Variants in MTHFD2L observed in about 807,000 individuals in gnomAD.
MTHFD2L encodes the protein bifunctional methylenetetrahydrofolate dehydrogenase/cyclohydrolase 2, mitochondrial.
MTHFD2L carries 29 observed loss-of-function variants against 34.9 expected under a neutral mutation model. The ratio of observed to expected loss-of-function variants is 0.83; its 90% CI spans 0.62 to 1.13. The LOEUF is 1.13. MTHFD2L is among the 50% of genes most tolerant of loss of function. The pLI, the probability that MTHFD2L is intolerant of heterozygous loss-of-function variation, is 0.00. For missense variants in MTHFD2L, 481 were observed against 446.5 expected (o/e 1.08, Z -0.70); for synonymous variants, 167 against 155.7 (o/e 1.07, Z -0.54).
At chr4:74,297,444 A>G (rs926962482) in intron 7 of MTHFD2L, among the ~76,000 whole-genome samples, 3 of 152,022 alleles carry the variant, frequency 2.0e-5, no homozygotes, top group Admixed American at 6.6e-5. Flanking sequence ...TCCCATATAT[A>G]CCAAACTTCT....
intron 1 of MTHFD2L, among the ~76,000 whole-genome samples, chr4:74,167,279 A>G (rs1445391550): frequency 6.6e-6 from 1 of 152,226 alleles, no homozygotes; most frequent in Non-Finnish European, 1.5e-5. Flanking sequence ...CTCTAGATCC[A>G]CTGACTGGTG....
intron 1 of MTHFD2L, among the ~76,000 whole-genome samples, chr4:74,132,950 T>C (rs1722660193): frequency 6.6e-6 from 1 of 152,220 alleles, no homozygotes; most frequent in African/African-American, 2.4e-5. Flanking sequence ...TCTGGGGTTG[T>C]GTTCATACTT....
At chr4:74,274,312 GTCAA>G (rs199992843) in intron 6 of MTHFD2L, among the ~76,000 whole-genome samples, 2,537 of 152,236 alleles carry the variant, frequency 0.017, 30 homozygotes, top group Non-Finnish European at 0.023. Flanking sequence ...TTCAAATCTG[GTCAA>G]TCAAAGGATT....
chr4:74,266,894 C>T (rs887080614), intron 6 of MTHFD2L: 17 of 985,088 alleles, frequency 1.7e-5, no homozygotes, highest in Non-Finnish European at 2.0e-5. Flanking sequence ...TTCTAAATAT[C>T]AGGCCTCATT....
intron 5 of MTHFD2L, among the ~76,000 whole-genome samples, chr4:74,204,276 T>G (rs148431114): frequency 6.6e-6 from 1 of 152,266 alleles, no homozygotes; most frequent in East Asian, 1.9e-4. Context: ...TCAACTTGGT[T>G]ATTGTGAAAA....
At chr4:74,218,050 T>G (rs1272388) in intron 5 of MTHFD2L, among the ~76,000 whole-genome samples, 4,770 of 152,226 alleles carry the variant, frequency 0.031, 267 homozygotes, top group African/African-American at 0.11. Flanking sequence ...TGTATTGTGA[T>G]TCTTATTTGT....
chr4:74,258,494 T>G (rs920171841), intron 6 of MTHFD2L, among the ~76,000 whole-genome samples: 1 of 152,054 alleles, frequency 6.6e-6, no homozygotes, highest in Non-Finnish European at 1.5e-5. Flanking sequence ...AAATGAAGAT[T>G]GAAAATACGG....
chr4:74,257,774 C>A (rs1314006568), intron 6 of MTHFD2L, among the ~76,000 whole-genome samples: 6 of 152,094 alleles, frequency 3.9e-5, no homozygotes, highest in Non-Finnish European at 8.8e-5. Context: ...AAAGCTTCTT[C>A]ACAGCAAAGA....
At chr4:74,215,404 G>C (rs111514580) in intron 5 of MTHFD2L, among the ~76,000 whole-genome samples, 1 of 151,766 alleles carries the variant, frequency 6.6e-6, no homozygotes, top group Non-Finnish European at 1.5e-5. Flanking sequence ...GGAATGCATC[G>C]TCCCTCACAT....
At chr4:74,169,887 C>T (rs1318773506) in intron 1 of MTHFD2L, among the ~76,000 whole-genome samples, 1 of 152,068 alleles carries the variant, frequency 6.6e-6, no homozygotes, top group African/African-American at 2.4e-5. Flanking sequence ...TAATTACATA[C>T]AAAGTATTGG....
intron 5 of MTHFD2L, among the ~76,000 whole-genome samples, chr4:74,220,853 T>C (rs1738050101): frequency 6.6e-6 from 1 of 151,226 alleles, no homozygotes; most frequent in South Asian, 2.1e-4. Flanking sequence ...ATTTTAACTT[T>C]TATGGTTTTT....
At chr4:74,181,612 C>T (rs529746582) in intron 3 of MTHFD2L, 1 of 152,292 alleles carries the variant, frequency 6.6e-6, no homozygotes, top group South Asian at 2.1e-4. Context: ...TACTTGCTCT[C>T]TGAGAAGTCT....
At chr4:74,157,778 T>C, upstream of MTHFD2L, 1 of 488,880 alleles carries the variant, frequency 2.0e-6, no homozygotes, top group Non-Finnish European at 4.0e-6. Flanking sequence ...TGGTGGAAAG[T>C]GGGGCGTGCT....
chr4:74,225,275 A>G, intron 5 of MTHFD2L, 27 bp from the exon 6 acceptor site: 1 of 1,565,770 alleles, frequency 6.4e-7, no homozygotes, highest in Non-Finnish European at 8.7e-7. Context: ...TTCAGTAATC[A>G]CTGATAGAAA....
chr4:74,200,963 A>G (rs1022511473), intron 4 of MTHFD2L, among the ~76,000 whole-genome samples: 12 of 152,186 alleles, frequency 7.9e-5, no homozygotes, highest in African/African-American at 4.8e-5. Flanking sequence ...AGCAGTTAAT[A>G]TATGTTAAAA....
intron 6 of MTHFD2L, among the ~76,000 whole-genome samples, chr4:74,259,799 T>G (rs1349247388): frequency 6.6e-6 from 1 of 152,196 alleles, no homozygotes; most frequent in Admixed American, 6.5e-5. Flanking sequence ...AACAAAATAC[T>G]GGCCTCAAAG....
intron 6 of MTHFD2L, among the ~76,000 whole-genome samples, chr4:74,275,739 A>G (rs1190969650): frequency 6.6e-6 from 1 of 151,920 alleles, no homozygotes; most frequent in East Asian, 1.9e-4. Flanking sequence ...GGCCACATAA[A>G]TGTCTTCTTT....
chr4:74,222,208 C>G (rs1189804308), intron 5 of MTHFD2L, among the ~76,000 whole-genome samples: 2 of 152,008 alleles, frequency 1.3e-5, no homozygotes, highest in Non-Finnish European at 2.9e-5. Flanking sequence ...AAAGCAAAGA[C>G]CATTTACATT....
At position 74,148,322 on chromosome 4, in the gene MTHFD2L, C is replaced by CT. The variant is rs59508344; in HGVS notation, c.-296-11727dup. On this transcript the variant is annotated intron_variant, in intron 1 of 7. Transcript: ENST00000433372. ...GGTTTTGGCTATTTGTGGTCCCCCC[C>CT]TTTTTTATTGCCTTTTCCCACACAT... Among the ~76,000 whole-genome samples the CT allele has an allele frequency of 1.3e-3, 197 of 150,632 alleles. 2 individuals carry two copies. Among genetic ancestry groups the CT allele is most frequent in the Admixed American group, 2.1e-3 (32 of 15,132 alleles).
Sources: gnomAD v4.1 joint callset for allele counts (sites outside exome capture counted in the v4.1 genomes callset) on GRCh38, gnomAD v4.1.1 for gene constraint, MANE v1.5 for transcripts, NCBI Gene and HGNC (gene_info 2026-07-23, HGNC 2026-07-21) for gene names.